Variants in JMJD1C observed in about 807,000 individuals in gnomAD.
The protein encoded by JMJD1C is jumonji domain-containing protein 1C.
Under a neutral mutation model 245.3 loss-of-function variants are expected in JMJD1C, and 31 were observed. That is an observed-to-expected ratio of 0.13 (90% CI 0.09 to 0.17). JMJD1C has a LOEUF of 0.17. JMJD1C is among the 10% of genes least tolerant of loss of function. JMJD1C has a pLI of 1.00. For synonymous variants in JMJD1C, 1,057 were observed against 1,017.4 expected, an observed-to-expected ratio of 1.04 and a Z score of -0.74; for missense variants, 2,691 against 3,000.2, an observed-to-expected ratio of 0.90 and a Z score of 2.41.
chr10:63,295,037 A>G (rs1859204130), intron 2 of JMJD1C, among the ~76,000 whole-genome samples: 1 of 152,006 alleles, frequency 6.6e-6, no homozygotes, highest in Admixed American at 6.6e-5. Context: ...AAAAAACAGC[A>G]ATTAGAAGAT....
intron 3 of JMJD1C, among the ~76,000 whole-genome samples, chr10:63,250,369 CA>C (rs1297135544): frequency 6.6e-6 from 1 of 152,002 alleles, no homozygotes; most frequent in Non-Finnish European, 1.5e-5. Flanking sequence ...ATAGACAAGA[CA>C]AGATGAGGAA....
chr10:63,297,712 G>A (rs1032590064), intron 2 of JMJD1C, among the ~76,000 whole-genome samples: 2 of 152,176 alleles, frequency 1.3e-5, no homozygotes, highest in African/African-American at 4.8e-5. Context: ...CACCCCATGG[G>A]ATGGGAAAAA....
At chr10:63,234,607 C>T (rs1186053817) in intron 3 of JMJD1C, among the ~76,000 whole-genome samples, 2 of 146,076 alleles carry the variant, frequency 1.4e-5, no homozygotes, top group East Asian at 2.0e-4. Flanking sequence ...CTAAAAATAT[C>T]GTTAAAGGCC....
At chr10:63,170,553 A>T (rs1349283554) in intron 24 of JMJD1C, among the ~76,000 whole-genome samples, 1 of 152,228 alleles carries the variant, frequency 6.6e-6, no homozygotes, top group Admixed American at 6.5e-5. Context: ...GATTTCCTTA[A>T]ATGCCAAAAA....
intron 1 of JMJD1C, among the ~76,000 whole-genome samples, chr10:63,471,512 G>T (rs1246919819): frequency 6.6e-6 from 1 of 152,282 alleles, no homozygotes; most frequent in African/African-American, 2.4e-5. Context: ...ACTGACAAAA[G>T]TAATCTTGCT....
At chr10:63,309,714 C>T (rs1398957909) in intron 2 of JMJD1C, among the ~76,000 whole-genome samples, 2 of 151,540 alleles carry the variant, frequency 1.3e-5, no homozygotes, top group South Asian at 2.1e-4. Context: ...GTCTGGAGTT[C>T]GAGACCAGCC....
In JMJD1C at chr10:63,214,631, A is replaced by G; in HGVS notation, c.1536T>C (p.Ile512=). The change falls in exon 8 of 26, where the codon ATT becomes ATC. Residue 512 remains isoleucine, a synonymous_variant. Transcript: ENST00000399262. Reference sequence around the variant, plus strand: ...CCTTTTCTAAATTAGTGTCATTTGTAATATCAATAACACATTTTGGTGTGG... The same window carrying G: ...CCTTTTCTAAATTAGTGTCATTTGTGATATCAATAACACATTTTGGTGTGG... ...RPPTPKCVID[I]TNDTNLEKVA... 6.2e-7 allele frequency: 1 copy of G among 1,614,128 alleles called. No individual in the cohort carries two copies. The highest frequency in any genetic ancestry group is 8.5e-7 in the Non-Finnish European group (1 of 1,179,988).
intron 1 of JMJD1C, among the ~76,000 whole-genome samples, chr10:63,387,589 C>G (rs1947708601): frequency 7.2e-6 from 1 of 138,336 alleles, no homozygotes; most frequent in African/African-American, 2.7e-5. Flanking sequence ...CTTGACAGAC[C>G]TTTTGAAATA....
At chr10:63,203,741 C>G in intron 10 of JMJD1C, 1 of 977,474 alleles carries the variant, frequency 1.0e-6, no homozygotes, top group South Asian at 4.7e-5. Flanking sequence ...TCTATTATAT[C>G]TAGCTTTAAT....
At chr10:63,382,044 C>G (rs1000494088) in intron 1 of JMJD1C, among the ~76,000 whole-genome samples, 1 of 152,060 alleles carries the variant, frequency 6.6e-6, no homozygotes, top group Non-Finnish European at 1.5e-5. Context: ...AACACCATCT[C>G]TACCAAAAAT....
chr10:63,358,588 T>G (rs1013444174), intron 2 of JMJD1C, among the ~76,000 whole-genome samples: 1 of 152,024 alleles, frequency 6.6e-6, no homozygotes, highest in African/African-American at 2.4e-5. Flanking sequence ...GAAAAAATTA[T>G]GAAAACTCAG....
intron 1 of JMJD1C, among the ~76,000 whole-genome samples, chr10:63,428,593 T>C (rs1353770951): frequency 6.6e-6 from 1 of 152,146 alleles, no homozygotes; most frequent in African/African-American, 2.4e-5. Flanking sequence ...CAGAAACATA[T>C]ACTGGAACAA....
chr10:63,308,921 G>A (rs1938712377), intron 2 of JMJD1C, among the ~76,000 whole-genome samples: 2 of 152,050 alleles, frequency 1.3e-5, no homozygotes, highest in South Asian at 4.1e-4. Flanking sequence ...TCAGAATCTT[G>A]GGGAAAAAGA....
chr10:63,287,413 A>G (rs578040266), intron 2 of JMJD1C, among the ~76,000 whole-genome samples: 27 of 152,362 alleles, frequency 1.8e-4, no homozygotes, highest in African/African-American at 6.3e-4. Flanking sequence ...TGAAATGAAA[A>G]TTAAAGACAT....
At chr10:63,377,482 C>T (rs1307501465) in intron 2 of JMJD1C, among the ~76,000 whole-genome samples, 1 of 152,110 alleles carries the variant, frequency 6.6e-6, no homozygotes, top group East Asian at 1.9e-4. Flanking sequence ...TGCCTGTAAT[C>T]CCAGCACTTT....
chr10:63,236,836 G>A (rs1850785806), intron 3 of JMJD1C, among the ~76,000 whole-genome samples: 1 of 151,720 alleles, frequency 6.6e-6, no homozygotes, highest in Non-Finnish European at 1.5e-5. Flanking sequence ...TACTGAGGCT[G>A]GGCATGGTGG....
intron 1 of JMJD1C, among the ~76,000 whole-genome samples, chr10:63,405,196 T>C (rs76885045): frequency 5.4e-4 from 82 of 152,314 alleles, no homozygotes; most frequent in African/African-American, 1.9e-3. Flanking sequence ...AAGTAGGTAT[T>C]AAATATGTTT....
chr10:63,256,354 T>C (rs1046443764), intron 3 of JMJD1C, among the ~76,000 whole-genome samples: 6 of 152,194 alleles, frequency 3.9e-5, no homozygotes, highest in African/African-American at 1.2e-4. Flanking sequence ...GCATGTTTCA[T>C]TACTATTTTT....
chr10:63,510,390 T>C (rs1251073045), intron 1 of JMJD1C, among the ~76,000 whole-genome samples: 3 of 152,354 alleles, frequency 2.0e-5, no homozygotes, highest in South Asian at 2.1e-4. Context: ...CTCACAAATT[T>C]TGATAAACTG....
Sources: gnomAD v4.1 joint callset for allele counts (sites outside exome capture counted in the v4.1 genomes callset) on GRCh38, gnomAD v4.1.1 for gene constraint, MANE v1.5 for transcripts, NCBI Gene and HGNC (gene_info 2026-07-23, HGNC 2026-07-21) for gene names.